The following NUMB variants were observed in gnomAD, a reference collection of about 807,000 sequenced individuals.
NUMB encodes protein numb homolog.
NUMB carries 29 observed loss-of-function variants against 59.7 expected under a neutral mutation model. The observed-to-expected ratio is 0.49, with a 90% CI of 0.36 to 0.66. The LOEUF is 0.66. Ranked by LOEUF, NUMB falls within the 30% of genes least tolerant of loss-of-function variation. The pLI is 0.00. For synonymous variants in NUMB, 288 were observed against 288.2 expected (o/e 1.00, Z 0.01); for missense variants, 723 against 822.0 (o/e 0.88, Z 1.47).
chr14:73,440,826 T>TAAAA (rs1309229861), intron 1 of NUMB, among the ~76,000 whole-genome samples: 1 of 35,604 alleles, frequency 2.8e-5, no homozygotes, highest in Non-Finnish European at 4.4e-5. Context: ...AGACTCCGTC[T>TAAAA]CAAAAAAAAA....
At position 73,275,326 on chromosome 14, in the gene NUMB, T is replaced by C. The variant is rs1348317512; in HGVS notation, c.*1252A>G. ...CCAACGTTCAAAAGTAAAAATGAGA[T>C]GAGCTCTCTTATTGTTATCCGAGGT... is the stretch of plus-strand genomic sequence containing the variant. On this transcript the variant is annotated 3_prime_UTR_variant, in exon 13 of 13. Transcript: ENST00000555238. 2 of 152,564 alleles carry C rather than the reference T, an allele frequency of 1.3e-5. No homozygotes were observed. The highest frequency in any genetic ancestry group is 4.8e-5 in the African/African-American group (2 of 41,418). The allele number at this position is 152,564 out of a possible 1,614,324, so 9.5% of individuals were successfully genotyped here. A position where few individuals can be genotyped will look rare whatever the true frequency, so the allele number is the denominator to read the frequency against.
intron 8 of NUMB, among the ~76,000 whole-genome samples, chr14:73,290,845 C>CA (rs1455868159): frequency 6.6e-6 from 1 of 152,148 alleles, no homozygotes; most frequent in African/African-American, 2.4e-5. Flanking sequence ...TGTTGAGTGT[C>CA]ATGTCGGTGC....
At chr14:73,298,959 G>GA (rs994718113) in intron 6 of NUMB, 1 of 152,074 alleles carries the variant, frequency 6.6e-6, no homozygotes, top group Non-Finnish European at 1.5e-5. Context: ...AATGATGTCA[G>GA]AAAAAAGGTA....
At position 73,275,883 on chromosome 14, in the gene NUMB, T is replaced by G. The variant is rs1888118845; in HGVS notation, c.*695A>C. 6.5e-6 allele frequency: 1 copy of G among 152,680 alleles called. No individual in the cohort carries two copies. The allele number at this position is 152,680 out of a possible 1,614,324, so 9.5% of individuals were successfully genotyped here. ...AATGATAAATCAATCTTATGTACAA[T>G]TTCTTACAACTAGCCCCTTTACCTT... On this transcript the variant is annotated 3_prime_UTR_variant, in exon 13 of 13. Coordinates refer to ENST00000555238, the MANE Select transcript of NUMB (RefSeq NM_001005743.2).
chr14:73,351,579 T>C (rs1893269678), intron 4 of NUMB, among the ~76,000 whole-genome samples: 1 of 152,286 alleles, frequency 6.6e-6, no homozygotes, highest in Non-Finnish European at 1.5e-5. Flanking sequence ...TAAAAAAAAC[T>C]ATTTACAGAG....
intron 1 of NUMB, among the ~76,000 whole-genome samples, chr14:73,423,302 C>G (rs1170612318): frequency 6.6e-6 from 1 of 151,014 alleles, no homozygotes; most frequent in Non-Finnish European, 1.5e-5. Context: ...GAGTTCACGA[C>G]CAGCCTGGCC....
intron 2 of NUMB, among the ~76,000 whole-genome samples, chr14:73,407,537 G>A (rs1287201255): frequency 6.6e-6 from 1 of 152,226 alleles, no homozygotes; most frequent in Non-Finnish European, 1.5e-5. Context: ...ATCATTCGCA[G>A]TTGAGAATTA....
At chr14:73,369,910 C>T (rs893477956) in intron 2 of NUMB, among the ~76,000 whole-genome samples, 2 of 152,320 alleles carry the variant, frequency 1.3e-5, no homozygotes, top group Non-Finnish European at 2.9e-5. Context: ...AAAGATACCA[C>T]TATCTTAATT....
rs1325137339 is a variant in NUMB, at chr14:73,277,157, T to C, written c.1377A>G (p.Ser459=). The change falls in exon 13 of 13, where the codon TCA becomes TCG. Residue 459 remains serine, a synonymous_variant. Transcript: ENST00000555238. ...GGAGAACTGGCTGCAGAGGAGCAGCTGAGGCCTGGGGCTGCTGAGCCCGGA... is the reference window on the plus strand; with the variant it reads ...GGAGAACTGGCTGCAGAGGAGCAGCCGAGGCCTGGGGCTGCTGAGCCCGGA... The part of the protein sequence containing the change: ...KSVRAQQPQA[S]AAPLQPVLQP... 6.2e-7 allele frequency: 1 copy of C among 1,613,856 alleles called. No homozygotes were observed. The highest frequency in any genetic ancestry group is 1.3e-5 in the African/African-American group (1 of 74,914).
At chr14:73,450,015 G>C (rs549709149) in intron 1 of NUMB, among the ~76,000 whole-genome samples, 1 of 152,258 alleles carries the variant, frequency 6.6e-6, no homozygotes, top group South Asian at 2.1e-4. Context: ...TTTTAAAGTC[G>C]ACTCTGGTTT....
chr14:73,438,469 A>G (rs1882782916), intron 1 of NUMB, among the ~76,000 whole-genome samples: 2 of 152,020 alleles, frequency 1.3e-5, no homozygotes, highest in South Asian at 4.1e-4. Context: ...CGTCTCTACT[A>G]AAAATACAAA....
At chr14:73,405,796 T>C (rs945230232) in intron 2 of NUMB, among the ~76,000 whole-genome samples, 5 of 152,016 alleles carry the variant, frequency 3.3e-5, no homozygotes, top group Admixed American at 6.6e-5. Flanking sequence ...GGGTTTTTTT[T>C]CTTCTCTCTC....
At chr14:73,333,799 T>C (rs1327729123) in intron 4 of NUMB, among the ~76,000 whole-genome samples, 2 of 152,182 alleles carry the variant, frequency 1.3e-5, no homozygotes, top group East Asian at 3.8e-4. Context: ...AAGAATCCAC[T>C]GCCAGATCCA....
intron 4 of NUMB, among the ~76,000 whole-genome samples, chr14:73,334,099 T>C (rs1006753373): frequency 6.6e-6 from 1 of 151,888 alleles, no homozygotes. Flanking sequence ...TTTCCCAGGC[T>C]GGAGTATAAT....
chr14:73,318,097 C>G (rs561449724), intron 5 of NUMB, among the ~76,000 whole-genome samples: 1 of 152,236 alleles, frequency 6.6e-6, no homozygotes, highest in South Asian at 2.1e-4. Context: ...TTTCTGCTGC[C>G]AAGTTTGGTG....
At chr14:73,454,978 A>G (rs1280444191) in intron 1 of NUMB, among the ~76,000 whole-genome samples, 5 of 152,230 alleles carry the variant, frequency 3.3e-5, no homozygotes, top group Non-Finnish European at 7.4e-5. Context: ...GCAAGAAATC[A>G]AAAGCTTTCC....
chr14:73,316,313 G>A lies in NUMB; in HGVS notation c.234+77C>T, dbSNP rs907084081. 28 of 1,278,784 alleles carry A rather than the reference G, an allele frequency of 2.2e-5. No individual in the cohort carries two copies. The African/African-American group carries it at 2.9e-4, about 13-fold the overall frequency. 79.2% of individuals were successfully genotyped at this position (1,278,784 alleles called of 1,614,324 possible). A position where few individuals can be genotyped will look rare whatever the true frequency, so the allele number is the denominator to read the frequency against. On this transcript the variant is annotated intron_variant, in intron 6 of 12. Coordinates refer to ENST00000555238, the MANE Select transcript of NUMB (RefSeq NM_001005743.2). ...TTATAAAGAAACCAAAGCTGTACTA[G>A]TTTTAAAAAATATGTCAGTGCTACA...
At chr14:73,441,198 CAT>C (rs1259787633) in intron 1 of NUMB, among the ~76,000 whole-genome samples, 1 of 152,064 alleles carries the variant, frequency 6.6e-6, no homozygotes, top group Non-Finnish European at 1.5e-5. Flanking sequence ...GGCCAATAAG[CAT>C]ATGAGAAGAT....
At chr14:73,420,714 G>C (rs907973529) in intron 1 of NUMB, among the ~76,000 whole-genome samples, 4 of 152,022 alleles carry the variant, frequency 2.6e-5, no homozygotes, top group Admixed American at 1.3e-4. Flanking sequence ...TGGCTACTTG[G>C]GAGGCTGAGA....
Sources: allele counts gnomAD v4.1 joint callset (sites outside exome capture counted in the v4.1 genomes callset), GRCh38; gene constraint gnomAD v4.1.1; transcripts MANE v1.5; gene names NCBI Gene and HGNC (gene_info 2026-07-23, HGNC 2026-07-21).